Variants in ARHGAP19 observed in about 807,000 individuals in gnomAD.
ARHGAP19 encodes the protein Rho GTPase activating protein 19.
A neutral mutation model predicts 60.9 loss-of-function variants in ARHGAP19; 48 were observed. That is an observed-to-expected ratio of 0.79 (90% CI 0.62 to 1.00). ARHGAP19 has a LOEUF of 1.00. Ranked by LOEUF, ARHGAP19 falls within the 50% of genes least tolerant of loss-of-function variation. ARHGAP19 has a pLI of 0.00. For missense variants in ARHGAP19, 562 were observed against 597.2 expected (o/e 0.94, Z 0.61); for synonymous variants, 209 against 215.5 (o/e 0.97, Z 0.27).
intron 4 of ARHGAP19, among the ~76,000 whole-genome samples, chr10:97,262,083 G>A (rs1842836442): frequency 1.3e-5 from 2 of 151,974 alleles, no homozygotes; most frequent in African/African-American, 2.4e-5. Context: ...TGGGGGCTGC[G>A]GCTCATGCCT....
chr10:97,285,293 T>C (rs545295814), intron 1 of ARHGAP19, among the ~76,000 whole-genome samples: 2 of 152,268 alleles, frequency 1.3e-5, no homozygotes, highest in East Asian at 3.9e-4. Flanking sequence ...GGTAAGATGA[T>C]AAACTGTTAT....
At chr10:97,285,842 G>A (rs1388420909) in intron 1 of ARHGAP19, among the ~76,000 whole-genome samples, 1 of 152,114 alleles carries the variant, frequency 6.6e-6, no homozygotes, top group Non-Finnish European at 1.5e-5. Flanking sequence ...AATGTTTACA[G>A]CAAAAAGTTT....
At chr10:97,264,756 G>T in intron 3 of ARHGAP19, 70 bp downstream of exon 3, 2 of 1,161,544 alleles carry the variant, frequency 1.7e-6, no homozygotes, top group Non-Finnish European at 2.5e-6. Context: ...CTAACTCAAG[G>T]CAGTTAGCTC....
At position 97,229,889 on chromosome 10, in the gene ARHGAP19, GA is replaced by G. The variant is rs780416344; in HGVS notation, c.1285-16del. ...AGGACCTTCCGCTGATTTAAGAACA[GA>G]AAACATTTGATTTATAAACACCTAC... On this transcript the variant is annotated splice_polypyrimidine_tract_variant and intron_variant, in intron 9 of 11. Transcript: ENST00000358531. 18 of 1,552,118 alleles carry G rather than the reference GA, an allele frequency of 1.2e-5. No individual in the cohort carries two copies. The Admixed American group carries it at 3.0e-4, about 26-fold the overall frequency.
rs1417198320 is a variant in ARHGAP19 at position 97,225,738 on chromosome 10, C to T, written c.*384G>A. On this transcript the variant is annotated 3_prime_UTR_variant, in exon 12 of 12. Transcript: ENST00000358531. ...ATATCCATTAAAAACAACATCAATC[C>T]ACTGGGACAGTGCTTTTTAAAAAAT... The T allele has an allele frequency of 1.1e-5, 2 of 186,418 alleles. No homozygotes were observed. The highest frequency in any genetic ancestry group is 2.2e-5 in the Non-Finnish European group (2 of 90,940). The allele number at this position is 186,418 out of a possible 1,614,324, so 11.5% of individuals were successfully genotyped here. A position where few individuals can be genotyped will look rare whatever the true frequency, so the allele number is the denominator to read the frequency against.
chr10:97,252,187 T>C (rs1414803954), intron 6 of ARHGAP19, among the ~76,000 whole-genome samples: 2 of 151,798 alleles, frequency 1.3e-5, no homozygotes, highest in African/African-American at 4.8e-5. Context: ...CTACAAAAAA[T>C]TAAAAACTAG....
At chr10:97,241,022 T>C (rs1184918573) in intron 8 of ARHGAP19, among the ~76,000 whole-genome samples, 1 of 152,170 alleles carries the variant, frequency 6.6e-6, no homozygotes, top group Non-Finnish European at 1.5e-5. Context: ...TTATAGTTTC[T>C]TCAAAAAGAT....
intron 1 of ARHGAP19, among the ~76,000 whole-genome samples, chr10:97,280,130 G>A (rs1416669828): frequency 6.6e-6 from 1 of 152,106 alleles, no homozygotes; most frequent in Non-Finnish European, 1.5e-5. Context: ...CATCAGGCTG[G>A]GTGCAGTGGT....
At chr10:97,228,750 A>G (rs528163541) in intron 11 of ARHGAP19, among the ~76,000 whole-genome samples, 1 of 152,316 alleles carries the variant, frequency 6.6e-6, no homozygotes, top group East Asian at 1.9e-4. Flanking sequence ...AGAAAGCTTC[A>G]CTAATTAGGG....
At chr10:97,279,598 T>C (rs12765019) in intron 1 of ARHGAP19, among the ~76,000 whole-genome samples, 1 of 152,062 alleles carries the variant, frequency 6.6e-6, no homozygotes, top group Non-Finnish European at 1.5e-5. Context: ...GCTCAAACAA[T>C]TCCCCCACCT....
At chr10:97,253,475 C>G (rs1245461937) in intron 6 of ARHGAP19, among the ~76,000 whole-genome samples, 1 of 151,518 alleles carries the variant, frequency 6.6e-6, no homozygotes, top group Non-Finnish European at 1.5e-5. Flanking sequence ...AGAATAGTTA[C>G]CAGATGCTGG....
At chr10:97,231,998 T>A (rs958170986) in intron 9 of ARHGAP19, among the ~76,000 whole-genome samples, 105 of 148,042 alleles carry the variant, frequency 7.1e-4, no homozygotes, top group Middle Eastern at 7.1e-3. Context: ...TTTTTTTTTT[T>A]AATAATAGTC....
intron 4 of ARHGAP19, 47 bp from the exon 5 acceptor site, chr10:97,259,675 A>G: frequency 1.4e-6 from 2 of 1,401,346 alleles, no homozygotes; most frequent in Non-Finnish European, 2.0e-6. Context: ...AATATCAGCA[A>G]GAAAAATCAG....
In ARHGAP19 at chr10:97,229,191, G is replaced by A. The variant is rs1014650543; in HGVS notation, c.1430C>T (p.Pro477Leu). 3 of 1,614,076 alleles carry A rather than the reference G, an allele frequency of 1.9e-6. No homozygotes were observed. Among genetic ancestry groups the A allele is most frequent in the African/African-American group, 1.3e-5 (1 of 75,016 alleles). The change falls in exon 11 of 12, where the codon CCA becomes CTA. Residue 477 changes from proline to leucine, a missense_variant. Pro to Leu is a moderately conservative substitution (Grantham distance 98, BLOSUM62 -3). Coordinates refer to ENST00000358531, the MANE Select transcript of ARHGAP19 (RefSeq NM_032900.6). ...CCCTTCAGACCACTTCAATCTTGTT[G>A]GTGTCATCGTGACAGCTGGAGAGCC... ...FSGSPAVTMT[P>L]TRLKWSEGKK...
intron 1 of ARHGAP19, among the ~76,000 whole-genome samples, chr10:97,274,287 A>G (rs553914495): frequency 5.9e-5 from 9 of 152,232 alleles, no homozygotes; most frequent in Non-Finnish European, 1.2e-4. Flanking sequence ...AACATGGTGA[A>G]ACCCCGTCTC....
chr10:97,228,933 T>C lies in ARHGAP19; in HGVS notation c.1474+214A>G, dbSNP rs1199843994. 5 of 661,788 alleles carry C rather than the reference T, an allele frequency of 7.6e-6. No homozygotes were observed. The Admixed American group carries it at 1.1e-4, about 14-fold the overall frequency. The allele number at this position is 661,788 out of a possible 1,614,324, so 41.0% of individuals were successfully genotyped here. ...AGAACACAGGGACCATGTGGGTCTG[T>C]GTTCACAGCTCTACCCTTAGCACCC... is the stretch of plus-strand genomic sequence containing the variant. On this transcript the variant is annotated intron_variant, in intron 11 of 11. Transcript: ENST00000358531.
At chr10:97,267,905 T>C (rs1460564534) in intron 1 of ARHGAP19, among the ~76,000 whole-genome samples, 2 of 152,260 alleles carry the variant, frequency 1.3e-5, no homozygotes, top group Non-Finnish European at 2.9e-5. Context: ...GAGGTGCTGC[T>C]ACAAAGGTCT....
At chr10:97,285,884 A>C (rs1256146354) in intron 1 of ARHGAP19, among the ~76,000 whole-genome samples, 1 of 152,186 alleles carries the variant, frequency 6.6e-6, no homozygotes, top group Non-Finnish European at 1.5e-5. Flanking sequence ...TTATAACACT[A>C]CCGACCCAAT....
chr10:97,230,243 G>A (rs1405164747), intron 9 of ARHGAP19, among the ~76,000 whole-genome samples: 1 of 152,122 alleles, frequency 6.6e-6, no homozygotes, highest in Admixed American at 6.5e-5. Context: ...CCAAAGATGT[G>A]CTGTCTCTGG....
Sources: allele counts gnomAD v4.1 joint callset (sites outside exome capture counted in the v4.1 genomes callset), GRCh38; gene constraint gnomAD v4.1.1; transcripts MANE v1.5; gene names NCBI Gene and HGNC (gene_info 2026-07-23, HGNC 2026-07-21).